The following GPR155 variants were observed in gnomAD, a reference collection of about 807,000 sequenced individuals.
GPR155 encodes G protein-coupled receptor 155.
Under a neutral mutation model 93.1 loss-of-function variants are expected in GPR155, and 65 were observed. That is an observed-to-expected ratio of 0.70 (90% CI 0.57 to 0.86). The LOEUF (loss-of-function observed/expected upper bound fraction) is 0.86, where lower values mean the gene tolerates loss of function less well. GPR155 is among the 40% of genes least tolerant of loss of function. The pLI is 0.00. For synonymous variants in GPR155, 319 were observed against 360.1 expected, an observed-to-expected ratio of 0.89 and a Z score of 1.29; for missense variants, 838 against 1,034.8, an observed-to-expected ratio of 0.81 and a Z score of 2.61.
intron 13 of GPR155, among the ~76,000 whole-genome samples, chr2:174,443,022 C>T (rs1687012765): frequency 6.6e-6 from 1 of 152,206 alleles, no homozygotes; most frequent in Non-Finnish European, 1.5e-5. Flanking sequence ...GAATGAAGCT[C>T]ATCCCAGTCC....
rs983185938 is a variant in GPR155 at position 174,435,657 on chromosome 2, A to G, written c.*459T>C. On this transcript the variant is annotated 3_prime_UTR_variant, in exon 16 of 16. Coordinates refer to ENST00000392552, the MANE Select transcript of GPR155 (RefSeq NM_152529.7). ...CAACTAATTTTTTGTATTTTATAGT[A>G]GAGACGGGGTTTCGCCATGTTGGCC... 6.5e-6 allele frequency: 1 copy of G among 153,278 alleles called. No individual in the cohort carries two copies. Among genetic ancestry groups the G allele is most frequent in the African/African-American group, 2.4e-5 (1 of 41,412 alleles). The allele number at this position is 153,278 out of a possible 1,614,324, so 9.5% of individuals were successfully genotyped here.
chr2:174,438,872 A>C (rs1311094913), intron 15 of GPR155, among the ~76,000 whole-genome samples: 1 of 152,238 alleles, frequency 6.6e-6, no homozygotes, highest in African/African-American at 2.4e-5. Flanking sequence ...TGTGCTCAGA[A>C]GGGTGAAAAA....
At chr2:174,443,844 A>G (rs1046513501) in intron 13 of GPR155, among the ~76,000 whole-genome samples, 3 of 152,248 alleles carry the variant, frequency 2.0e-5, no homozygotes, top group Non-Finnish European at 2.9e-5. Context: ...TGACATAAAC[A>G]TAGACAATAG....
chr2:174,447,396 T>G (rs1003370142), intron 11 of GPR155, among the ~76,000 whole-genome samples: 17 of 146,570 alleles, frequency 1.2e-4, no homozygotes, highest in African/African-American at 4.2e-4. Context: ...TTATATATAA[T>G]TTTTATTTTA....
chr2:174,464,216 A>G (rs1169637163), intron 7 of GPR155, among the ~76,000 whole-genome samples: 1 of 152,208 alleles, frequency 6.6e-6, no homozygotes, highest in African/African-American at 2.4e-5. Flanking sequence ...GTGTTTCCTA[A>G]GGTGTAGAGA....
intron 11 of GPR155, 51 bp downstream of exon 11, chr2:174,453,686 T>G: frequency 3.4e-6 from 2 of 591,822 alleles, no homozygotes; most frequent in South Asian, 1.8e-5. Flanking sequence ...AAAAAAAGAA[T>G]AAGGAATCTT....
intron 11 of GPR155, among the ~76,000 whole-genome samples, chr2:174,450,253 A>G (rs75374784): frequency 1.3e-5 from 2 of 152,216 alleles, no homozygotes; most frequent in Admixed American, 6.5e-5. Flanking sequence ...GTGCTCACTT[A>G]TAAGTGGGAA....
At chr2:174,456,340 C>T (rs533205886) in intron 10 of GPR155, among the ~76,000 whole-genome samples, 2 of 150,286 alleles carry the variant, frequency 1.3e-5, no homozygotes, top group Admixed American at 6.6e-5. Context: ...TGTCTCGCTC[C>T]GTTTCCCAGG....
chr2:174,446,702 G>T lies in GPR155; in HGVS notation c.1922C>A (p.Ala641Asp). Residue 641 changes from alanine (A) to aspartate (D), a missense_variant, in exon 12 of 16, where the codon GCC becomes GAC. Around this residue, in one of 3 missense-constraint regions of GPR155, gnomAD observed 663 missense variants for 790.1 expected, o/e 0.84. Transcript: ENST00000392552. ...CTGTAGATACTGTTCTTCTTCCTGG[G>T]CTAATATGCAGCTCTGGGAGTTACA... ...SRCNSQSCIL[A>D]QEEEQYLQSG... 1 of 1,613,658 alleles carries T rather than the reference G, an allele frequency of 6.2e-7. No individual in the cohort carries two copies. The highest frequency in any genetic ancestry group is 8.5e-7 in the Non-Finnish European group (1 of 1,179,596).
At chr2:174,469,954 T>C (rs1427818962) in intron 4 of GPR155, among the ~76,000 whole-genome samples, 2 of 152,156 alleles carry the variant, frequency 1.3e-5, no homozygotes, top group East Asian at 1.9e-4. Flanking sequence ...CTCTGCCTCC[T>C]GGGTTCAAAC....
chr2:174,458,058 C>G (rs1687573094), intron 10 of GPR155, among the ~76,000 whole-genome samples: 1 of 152,092 alleles, frequency 6.6e-6, no homozygotes, highest in Non-Finnish European at 1.5e-5. Context: ...TTTTAAAAGC[C>G]AGATGCAAAA....
intron 2 of GPR155, among the ~76,000 whole-genome samples, chr2:174,476,282 C>T (rs1168860591): frequency 2.0e-5 from 3 of 152,300 alleles, no homozygotes; most frequent in South Asian, 2.1e-4. Context: ...GATTTTCTCA[C>T]GGTTCTCACT....
Position 174,475,109 on chromosome 2 carries a change from A to C in GPR155, c.461-1745T>G, listed in dbSNP as rs537260732. On this transcript the variant is annotated intron_variant, in intron 2 of 15. Coordinates refer to ENST00000392552, the MANE Select transcript of GPR155 (RefSeq NM_152529.7). The stretch of plus-strand genomic sequence containing the variant: ...AGGAGATCGAGACCATCCCGGCTAA[A>C]ATGGTGAAACCCCGTCTCTACTAAA... Among the ~76,000 whole-genome samples, 433 of 150,672 alleles carry C rather than the reference A, an allele frequency of 2.9e-3. 2 individuals carry two copies. Among genetic ancestry groups the C allele is most frequent in the African/African-American group, 9.7e-3 (396 of 40,950 alleles).
chr2:174,465,132 G>T (rs1687802542), intron 7 of GPR155, among the ~76,000 whole-genome samples: 2 of 152,130 alleles, frequency 1.3e-5, no homozygotes, highest in South Asian at 4.1e-4. Context: ...CCTTTTTGGA[G>T]CCAGCTGAAA....
chr2:174,448,443 G>C (rs1687207606), intron 11 of GPR155, among the ~76,000 whole-genome samples: 1 of 151,628 alleles, frequency 6.6e-6, no homozygotes, highest in Non-Finnish European at 1.5e-5. Flanking sequence ...TCTGGACATC[G>C]ACCTTTGGGA....
intron 7 of GPR155, among the ~76,000 whole-genome samples, chr2:174,465,390 A>T (rs1373498081): frequency 6.6e-6 from 1 of 152,226 alleles, no homozygotes; most frequent in Non-Finnish European, 1.5e-5. Context: ...AGTAATTTGC[A>T]TGAGGCAGAG....
intron 7 of GPR155, among the ~76,000 whole-genome samples, chr2:174,462,473 G>A (rs1373003976): frequency 6.6e-6 from 1 of 152,044 alleles, no homozygotes; most frequent in Non-Finnish European, 1.5e-5. Context: ...ACCATGTCAG[G>A]CTAATTTTGT....
At chr2:174,473,614 C>T (rs907424487) in intron 2 of GPR155, among the ~76,000 whole-genome samples, 1 of 152,244 alleles carries the variant, frequency 6.6e-6, no homozygotes, top group South Asian at 2.1e-4. Flanking sequence ...TTTTTACCAT[C>T]TAAGGGTTAA....
chr2:174,481,001 A>G (rs975133734), intron 2 of GPR155, among the ~76,000 whole-genome samples: 3 of 152,010 alleles, frequency 2.0e-5, no homozygotes, highest in African/African-American at 4.8e-5. Context: ...CTGGTCTCGA[A>G]CTCCTAGGCT....
Sources: gnomAD v4.1 joint callset for allele counts (sites outside exome capture counted in the v4.1 genomes callset) on GRCh38, gnomAD v4.1.1 for gene constraint, gnomAD v4.1.1 regional missense constraint, MANE v1.5 for transcripts, NCBI Gene and HGNC (gene_info 2026-07-23, HGNC 2026-07-21) for gene names.